Variants in GXYLT1 observed in about 807,000 individuals in gnomAD.
The protein encoded by GXYLT1 is glycosyltransferase 8 domain containing 3.
GXYLT1 carries 29 observed loss-of-function variants against 54.0 expected under a neutral mutation model. The observed-to-expected ratio is 0.54, with a 90% CI of 0.40 to 0.73. The LOEUF is 0.73. Among genes scored for constraint, GXYLT1 ranks in the 30% least tolerant of loss-of-function variants. The pLI is 0.00. For missense variants in GXYLT1, 490 were observed against 553.4 expected (o/e 0.89, Z 1.15); for synonymous variants, 176 against 204.1 (o/e 0.86, Z 1.17).
In GXYLT1 at chr12:42,144,811, G is replaced by A; in HGVS notation, c.-165C>T. The A allele has an allele frequency of 2.4e-6, 1 of 424,000 alleles. No homozygotes were observed. Among genetic ancestry groups the A allele is most frequent in the South Asian group, 6.2e-5 (1 of 16,088 alleles). 26.3% of individuals were successfully genotyped at this position (424,000 alleles called of 1,614,324 possible). On this transcript the variant is annotated 5_prime_UTR_variant, in exon 1 of 8. Coordinates refer to ENST00000398675, the MANE Select transcript of GXYLT1 (RefSeq NM_173601.2). ...TCCTTCCCTCCCCGCCCACCACCTA[G>A]GCGAGCGCAGTCGCGGCTCCGGAGC...
chr12:42,142,178 C>T (rs867888107), intron 1 of GXYLT1, among the ~76,000 whole-genome samples: 1 of 152,114 alleles, frequency 6.6e-6, no homozygotes, highest in African/African-American at 2.4e-5. Flanking sequence ...TAAACTAGAC[C>T]CTTATCTTTC....
At chr12:42,110,678 G>A (rs886854806) in intron 3 of GXYLT1, among the ~76,000 whole-genome samples, 4 of 152,278 alleles carry the variant, frequency 2.6e-5, no homozygotes, top group Admixed American at 6.5e-5. Context: ...GGCCTCCCAA[G>A]TAGCTGGGAC....
chr12:42,105,049 A>G (rs1453085951), intron 5 of GXYLT1, among the ~76,000 whole-genome samples: 3 of 152,200 alleles, frequency 2.0e-5, no homozygotes, highest in Non-Finnish European at 4.4e-5. Flanking sequence ...TTCATACTTA[A>G]AAGTTAACTA....
chr12:42,088,297 G>A (rs539006619), intron 7 of GXYLT1, among the ~76,000 whole-genome samples: 4 of 151,966 alleles, frequency 2.6e-5, no homozygotes, highest in African/African-American at 7.2e-5. Context: ...CACCACACCC[G>A]CGTCCCACCT....
At chr12:42,127,532 G>C (rs557169294) in intron 2 of GXYLT1, among the ~76,000 whole-genome samples, 1 of 152,276 alleles carries the variant, frequency 6.6e-6, no homozygotes, top group African/African-American at 2.4e-5. Context: ...TTAGGAAAAT[G>C]AGTTAGAGGA....
At chr12:42,110,690 A>G (rs546311461) in intron 3 of GXYLT1, among the ~76,000 whole-genome samples, 2 of 152,332 alleles carry the variant, frequency 1.3e-5, no homozygotes, top group African/African-American at 2.4e-5. Flanking sequence ...AGCTGGGACT[A>G]CAGGTGCATG....
At chr12:42,101,164 T>C (rs1214601477) in intron 5 of GXYLT1, among the ~76,000 whole-genome samples, 3 of 152,010 alleles carry the variant, frequency 2.0e-5, no homozygotes, top group Non-Finnish European at 4.4e-5. Flanking sequence ...TGAAAAGCTA[T>C]GAGAAATGAG....
chr12:42,105,903 G>C lies in GXYLT1; in HGVS notation c.779C>G (p.Ala260Gly), dbSNP rs1398016859. 1 of 1,613,576 alleles carries C rather than the reference G, an allele frequency of 6.2e-7. No homozygotes were observed. The highest frequency in any genetic ancestry group is 8.5e-7 in the Non-Finnish European group (1 of 1,179,548). Residue 260 changes from alanine to glycine, a missense_variant, in exon 5 of 8, where the codon GCT becomes GGT. This residue lies in a region of GXYLT1 where 342 missense variants were observed against 342.6 expected (regional missense o/e 1.00). Coordinates refer to ENST00000398675, the MANE Select transcript of GXYLT1 (RefSeq NM_173601.2). ...AGTTTTTCCATAATATGGATGCCTA[G>C]CAAAGCGATTATACCATCCTATTCG... ...EPRIGWYNRF[A>G]RHPYYGKTGV...
intron 3 of GXYLT1, among the ~76,000 whole-genome samples, chr12:42,112,380 A>G (rs146041231): frequency 0.014 from 2,137 of 152,316 alleles, 44 homozygotes; most frequent in African/African-American, 0.047. Context: ...TGGCAAAGAA[A>G]TTAAAAGCTT....
At chr12:42,121,681 A>G (rs1472030632) in intron 2 of GXYLT1, among the ~76,000 whole-genome samples, 2 of 151,878 alleles carry the variant, frequency 1.3e-5, no homozygotes, top group Non-Finnish European at 2.9e-5. Context: ...CCCTCTAAAA[A>G]TCAGTCTCAG....
At chr12:42,122,678 T>C (rs1355370555) in intron 2 of GXYLT1, among the ~76,000 whole-genome samples, 1 of 152,168 alleles carries the variant, frequency 6.6e-6, no homozygotes, top group African/African-American at 2.4e-5. Context: ...TAAAGATGAA[T>C]ACCAACCAAT....
chr12:42,120,744 C>T (rs1321489215), intron 2 of GXYLT1, among the ~76,000 whole-genome samples: 4 of 152,078 alleles, frequency 2.6e-5, no homozygotes, highest in African/African-American at 9.7e-5. Flanking sequence ...CTATGTTGCC[C>T]AGGCTAGTCT....
chr12:42,090,609 C>T (rs1362539181), intron 7 of GXYLT1, among the ~76,000 whole-genome samples: 1 of 152,088 alleles, frequency 6.6e-6, no homozygotes, highest in Non-Finnish European at 1.5e-5. Context: ...GCTGTGATGA[C>T]CATAATTAGG....
Position 42,082,932 on chromosome 12 carries a change from G to C in GXYLT1, c.*4854C>G, listed in dbSNP as rs1164054205. 6.6e-6 allele frequency: 1 copy of C among 152,140 alleles called. No homozygotes were observed. Among genetic ancestry groups the C allele is most frequent in the Non-Finnish European group, 1.5e-5 (1 of 68,026 alleles). The allele number at this position is 152,140 out of a possible 1,614,324, so 9.4% of individuals were successfully genotyped here. A position where few individuals can be genotyped will look rare whatever the true frequency, so the allele number is the denominator to read the frequency against. On this transcript the variant is annotated 3_prime_UTR_variant, in exon 8 of 8. Transcript: ENST00000398675. ...CAGTTCTTAAGTTTGATATTTAAAT[G>C]TCTGACCAGGGACCCTCCAAATAGT...
rs60199719 is a variant in GXYLT1 at position 42,098,760 on chromosome 12, CATATATATATATATATAT to C, written c.865-745_865-728del. Among the ~76,000 whole-genome samples the C allele has an allele frequency of 2.0e-3, 192 of 96,920 alleles. 4 individuals are homozygous for C. The highest frequency in any genetic ancestry group is 5.9e-3 in the African/African-American group (151 of 25,804). The allele number at this position is 96,920 out of a possible 152,430, so 63.6% of individuals were successfully genotyped here. A position where few individuals can be genotyped will look rare whatever the true frequency, so the allele number is the denominator to read the frequency against. The stretch of plus-strand genomic sequence containing the variant: ...TTCATTTATCTTATTAAATTTAAAA[CATATATATATATATATAT>C]ATATATAATACATGTGTGTGTATAT... On this transcript the variant is annotated intron_variant, in intron 5 of 7. Coordinates refer to ENST00000398675, the MANE Select transcript of GXYLT1 (RefSeq NM_173601.2).
chr12:42,133,514 C>A (rs950557442), intron 1 of GXYLT1, among the ~76,000 whole-genome samples: 6 of 152,096 alleles, frequency 3.9e-5, no homozygotes, highest in Admixed American at 2.0e-4. Context: ...AGATCAACAG[C>A]CTCCACTGAG....
intron 5 of GXYLT1, among the ~76,000 whole-genome samples, chr12:42,102,710 G>A (rs2065397017): frequency 6.6e-6 from 1 of 151,974 alleles, no homozygotes; most frequent in African/African-American, 2.4e-5. Flanking sequence ...AACAGGAAAA[G>A]GCTAAGAAAT....
rs56387868 is a variant in GXYLT1, at chr12:42,137,762, G to GAA, written c.221+6662_221+6663dup. ...ACAGAGCGAGACTCCATCTCAAATT[G>GAA]AAAAAAAAAAAAAAAAGTCAGTGAT... On this transcript the variant is annotated intron_variant, in intron 1 of 7. Transcript: ENST00000398675. Among the ~76,000 whole-genome samples, 8 of 107,180 alleles carry GAA rather than the reference G, an allele frequency of 7.5e-5. 1 individual carries two copies. The highest frequency in any genetic ancestry group is 1.9e-4 in the African/African-American group (5 of 25,646). 70.3% of individuals were successfully genotyped at this position (107,180 alleles called of 152,430 possible).
At chr12:42,108,569 T>A (rs1227175355) in intron 4 of GXYLT1, among the ~76,000 whole-genome samples, 2 of 152,100 alleles carry the variant, frequency 1.3e-5, no homozygotes, top group Non-Finnish European at 2.9e-5. Context: ...CTTTTTTTTT[T>A]AACCAATCTT....
Sources: gnomAD v4.1 joint callset for allele counts (sites outside exome capture counted in the v4.1 genomes callset) on GRCh38, gnomAD v4.1.1 for gene constraint, gnomAD v4.1.1 regional missense constraint, MANE v1.5 for transcripts, NCBI Gene and HGNC (gene_info 2026-07-23, HGNC 2026-07-21) for gene names.